The following FAT3 variants were observed in gnomAD, a reference collection of about 807,000 sequenced individuals.
FAT3 encodes the protein FAT atypical cadherin 3.
Under a neutral mutation model 310.2 loss-of-function variants are expected in FAT3, and 95 were observed. The observed-to-expected ratio is 0.31, with a 90% CI of 0.26 to 0.36. The LOEUF (loss-of-function observed/expected upper bound fraction) is 0.36. FAT3 is among the 10% of genes least tolerant of loss of function. The pLI is 1.00. For synonymous variants in FAT3, 2,314 were observed against 2,192.9 expected (o/e 1.06, Z -1.54); for missense variants, 5,408 against 5,715.6 (o/e 0.95, Z 1.74).
intron 4 of FAT3, among the ~76,000 whole-genome samples, chr11:92,720,757 A>T (rs1251649925): frequency 6.6e-6 from 1 of 152,164 alleles, no homozygotes; most frequent in African/African-American, 2.4e-5. Context: ...AAGTGTAGCC[A>T]TCTAAATTTG....
At chr11:92,553,677 CT>C (rs1954900185) in intron 3 of FAT3, among the ~76,000 whole-genome samples, 5 of 31,980 alleles carry the variant, frequency 1.6e-4, no homozygotes, top group Admixed American at 1.1e-3. Flanking sequence ...ATCTCCGTCC[CT>C]TCCTTCCTTC....
intron 1 of FAT3, among the ~76,000 whole-genome samples, chr11:92,325,253 C>A (rs576015785): frequency 3.3e-5 from 5 of 152,310 alleles, no homozygotes; most frequent in South Asian, 4.1e-4. Flanking sequence ...TGGTTCCTTA[C>A]AGCACAAACA....
At chr11:92,504,708 T>C (rs1953048365) in intron 2 of FAT3, among the ~76,000 whole-genome samples, 1 of 152,168 alleles carries the variant, frequency 6.6e-6, no homozygotes, top group Admixed American at 6.6e-5. Context: ...GGCAGGACGT[T>C]CTTGTGACTG....
chr11:92,640,824 ATAAGGCACAGTT>A (rs1297863314), intron 3 of FAT3, among the ~76,000 whole-genome samples: 2 of 152,214 alleles, frequency 1.3e-5, no homozygotes, highest in African/African-American at 2.4e-5. Flanking sequence ...TTTCCCCAAC[ATAAGGCACAGTT>A]GGTGAATGTG....
intron 4 of FAT3, among the ~76,000 whole-genome samples, chr11:92,733,517 G>T (rs1181995045): frequency 6.6e-6 from 1 of 152,038 alleles, no homozygotes; most frequent in Non-Finnish European, 1.5e-5. Flanking sequence ...AAATTATAGG[G>T]TCCAGGTCTA....
intron 4 of FAT3, 110 bp downstream of exon 4, chr11:92,697,555 G>A (rs72958588): frequency 0.023 from 24,450 of 1,067,744 alleles, 360 homozygotes; most frequent in Non-Finnish European, 0.028. Flanking sequence ...ATATCAAAGT[G>A]AAGATATTTC....
chr11:92,513,969 A>T (rs2135321336), intron 2 of FAT3, among the ~76,000 whole-genome samples: 1 of 152,258 alleles, frequency 6.6e-6, no homozygotes, highest in East Asian at 1.9e-4. Context: ...GCATATGGGG[A>T]TATGGCTAGA....
chr11:92,400,570 ATTAC>A (rs1949990398), intron 2 of FAT3: 1 of 152,168 alleles, frequency 6.6e-6, no homozygotes, highest in South Asian at 2.1e-4. Flanking sequence ...ATATTTGTGC[ATTAC>A]TTACTTCCTG....
At chr11:92,523,678 T>C (rs1483589870) in intron 2 of FAT3, among the ~76,000 whole-genome samples, 1 of 150,824 alleles carries the variant, frequency 6.6e-6, no homozygotes, top group Non-Finnish European at 1.5e-5. Flanking sequence ...AATTTCACGC[T>C]TTCTATGAGC....
intron 2 of FAT3, among the ~76,000 whole-genome samples, chr11:92,359,318 A>T (rs189810624): frequency 6.6e-6 from 1 of 152,156 alleles, no homozygotes; most frequent in East Asian, 1.9e-4. Context: ...TTACAATTCA[A>T]ATAATCTTTT....
intron 3 of FAT3, among the ~76,000 whole-genome samples, chr11:92,683,072 TA>T (rs1179409316): frequency 2.0e-3 from 226 of 114,702 alleles, no homozygotes; most frequent in South Asian, 8.8e-3. Flanking sequence ...AGCAAGACTC[TA>T]AAAAAAAAAA....
intron 2 of FAT3, among the ~76,000 whole-genome samples, chr11:92,502,812 T>G (rs1384208454): frequency 6.6e-6 from 1 of 152,102 alleles, no homozygotes; most frequent in African/African-American, 2.4e-5. Context: ...ATCATCATGA[T>G]GTACTTATTG....
At chr11:92,691,193 C>G (rs1943789453) in intron 3 of FAT3, among the ~76,000 whole-genome samples, 1 of 152,076 alleles carries the variant, frequency 6.6e-6, no homozygotes, top group African/African-American at 2.4e-5. Flanking sequence ...TGCATTACGA[C>G]TTTCCTAGAT....
intron 3 of FAT3, among the ~76,000 whole-genome samples, chr11:92,695,016 A>G (rs533747132): frequency 6.6e-6 from 1 of 152,222 alleles, no homozygotes; most frequent in South Asian, 2.1e-4. Flanking sequence ...TGTGACTCAG[A>G]GCGATGTGCT....
intron 2 of FAT3, among the ~76,000 whole-genome samples, chr11:92,383,700 T>A (rs978886499): frequency 3.9e-5 from 6 of 152,188 alleles, no homozygotes; most frequent in Non-Finnish European, 7.3e-5. Flanking sequence ...TTGGCCCACA[T>A]TTTTCCTGTC....
At chr11:92,391,315 A>G (rs1382828629) in intron 2 of FAT3, among the ~76,000 whole-genome samples, 1 of 152,114 alleles carries the variant, frequency 6.6e-6, no homozygotes, top group Non-Finnish European at 1.5e-5. Flanking sequence ...AACCTTGCCA[A>G]TAAGTATAAG....
intron 2 of FAT3, among the ~76,000 whole-genome samples, chr11:92,367,854 G>T (rs1010061583): frequency 1.3e-5 from 2 of 152,216 alleles, no homozygotes; most frequent in African/African-American, 4.8e-5. Context: ...AGTTGATAAT[G>T]CTATCTAAGC....
chr11:92,640,407 A>G (rs1280243169), intron 3 of FAT3, among the ~76,000 whole-genome samples: 1 of 152,208 alleles, frequency 6.6e-6, no homozygotes, highest in Non-Finnish European at 1.5e-5. Context: ...TGGATTTGTT[A>G]AATGAAATAA....
intron 2 of FAT3, among the ~76,000 whole-genome samples, chr11:92,384,505 AT>A (rs931679634): frequency 1.3e-5 from 2 of 152,090 alleles, no homozygotes; most frequent in Non-Finnish European, 2.9e-5. Context: ...CTTTAAGCAA[AT>A]TCCTCCCCCA....
Sources: gnomAD v4.1 joint callset for allele counts (sites outside exome capture counted in the v4.1 genomes callset) on GRCh38, gnomAD v4.1.1 for gene constraint, MANE v1.5 for transcripts, NCBI Gene and HGNC (gene_info 2026-07-23, HGNC 2026-07-21) for gene names.